Variants in TMEM178B observed in about 807,000 individuals in gnomAD.
The protein encoded by TMEM178B is transmembrane protein 178B.
In TMEM178B, 5 loss-of-function variants were observed where a neutral mutation model predicts 31.0. That is an observed-to-expected ratio of 0.16 (90% CI 0.08 to 0.34). The LOEUF is 0.34. TMEM178B is among the 10% of genes least tolerant of loss of function. The pLI, the probability that TMEM178B is intolerant of heterozygous loss-of-function variation, is 1.00. For missense variants in TMEM178B, 275 were observed against 400.3 expected, an observed-to-expected ratio of 0.69 and a Z score of 2.67; for synonymous variants, 164 against 164.0, an observed-to-expected ratio of 1.00 and a Z score of 0.00.
chr7:141,410,814 G>A (rs1034029156), intron 2 of TMEM178B, among the ~76,000 whole-genome samples: 1 of 152,158 alleles, frequency 6.6e-6, no homozygotes, highest in Non-Finnish European at 1.5e-5. Context: ...TATTAAAAGT[G>A]GACCCCCATG....
At chr7:141,482,705 A>G (rs1802498023), downstream of TMEM178B, among the ~76,000 whole-genome samples, 2 of 152,332 alleles carry the variant, frequency 1.3e-5, no homozygotes, top group Middle Eastern at 3.4e-3. Flanking sequence ...TACACAGGAA[A>G]GATACAGATT....
intron 2 of TMEM178B, among the ~76,000 whole-genome samples, chr7:141,325,310 C>A (rs189304954): frequency 6.6e-6 from 1 of 152,190 alleles, no homozygotes; most frequent in Admixed American, 6.5e-5. Context: ...CTCACGTCAT[C>A]CCCCCAAGCC....
chr7:141,322,859 C>T (rs1037573056), intron 2 of TMEM178B, among the ~76,000 whole-genome samples: 1 of 152,114 alleles, frequency 6.6e-6, no homozygotes, highest in Admixed American at 6.5e-5. Context: ...CTCCCCTAAA[C>T]CCCCCTGCCC....
At chr7:141,407,572 C>T (rs1030181140) in intron 2 of TMEM178B, among the ~76,000 whole-genome samples, 6 of 152,250 alleles carry the variant, frequency 3.9e-5, no homozygotes, top group Non-Finnish European at 7.4e-5. Context: ...TGAACGCTCC[C>T]GATCTCGTCT....
At chr7:141,186,466 A>G (rs1358596776) in intron 1 of TMEM178B, among the ~76,000 whole-genome samples, 5 of 152,082 alleles carry the variant, frequency 3.3e-5, no homozygotes, top group Admixed American at 1.3e-4. Flanking sequence ...CGCTGTCTCT[A>G]CTTAGCTTCT....
chr7:141,333,531 G>A (rs1418653247), intron 2 of TMEM178B, among the ~76,000 whole-genome samples: 1 of 152,182 alleles, frequency 6.6e-6, no homozygotes, highest in Non-Finnish European at 1.5e-5. Flanking sequence ...AGATGCCAGA[G>A]GAAGTTAATT....
At chr7:141,443,922 C>G (rs1441825231) in intron 3 of TMEM178B, among the ~76,000 whole-genome samples, 1 of 152,174 alleles carries the variant, frequency 6.6e-6, no homozygotes, top group Non-Finnish European at 1.5e-5. Context: ...TTTTGTTGCT[C>G]TCATTGGTAC....
At chr7:141,332,807 T>C (rs1799319629) in intron 2 of TMEM178B, among the ~76,000 whole-genome samples, 1 of 152,244 alleles carries the variant, frequency 6.6e-6, no homozygotes, top group Non-Finnish European at 1.5e-5. Flanking sequence ...TTCCCCACCT[T>C]GTAGTGAGTG....
At chr7:141,421,367 C>T (rs1801206434) in intron 2 of TMEM178B, among the ~76,000 whole-genome samples, 1 of 152,206 alleles carries the variant, frequency 6.6e-6, no homozygotes. Flanking sequence ...CAGTCATACT[C>T]ACTGAGCCTT....
chr7:141,346,298 A>G (rs1054334030), intron 2 of TMEM178B, among the ~76,000 whole-genome samples: 2 of 152,214 alleles, frequency 1.3e-5, no homozygotes, highest in Non-Finnish European at 2.9e-5. Flanking sequence ...AAAACAGTAA[A>G]TCATGCTATA....
intron 3 of TMEM178B, among the ~76,000 whole-genome samples, chr7:141,457,087 G>A (rs974312660): frequency 1.3e-5 from 2 of 152,062 alleles, no homozygotes; most frequent in African/African-American, 4.8e-5. Context: ...CATTTCACGG[G>A]GAGCATGAAA....
At chr7:141,481,284 ATCT>A (rs1426409633), downstream of TMEM178B, among the ~76,000 whole-genome samples, 1 of 152,192 alleles carries the variant, frequency 6.6e-6, no homozygotes, top group Non-Finnish European at 1.5e-5. Context: ...GGGTCTTTTA[ATCT>A]TCTCTCTTGA....
At chr7:141,178,510 C>T (rs1302529081) in intron 1 of TMEM178B, among the ~76,000 whole-genome samples, 1 of 152,208 alleles carries the variant, frequency 6.6e-6, no homozygotes, top group Non-Finnish European at 1.5e-5. Context: ...TGGCAACCTA[C>T]ACAAAGCTTA....
intron 2 of TMEM178B, among the ~76,000 whole-genome samples, chr7:141,354,979 AT>A (rs1336634128): frequency 6.6e-6 from 1 of 152,044 alleles, no homozygotes; most frequent in Non-Finnish European, 1.5e-5. Context: ...TTGAGTTTTT[AT>A]TTTTATTTTT....
At chr7:141,139,190 T>G (rs1019230959) in intron 1 of TMEM178B, among the ~76,000 whole-genome samples, 1 of 152,218 alleles carries the variant, frequency 6.6e-6, no homozygotes, top group Non-Finnish European at 1.5e-5. Context: ...GTTCTTTTCT[T>G]TCGCCATTAA....
chr7:141,399,944 T>G (rs1800730768), intron 2 of TMEM178B, among the ~76,000 whole-genome samples: 1 of 152,160 alleles, frequency 6.6e-6, no homozygotes, highest in South Asian at 2.1e-4. Context: ...AAAAAGAAAA[T>G]GTAGTGGCCA....
At chr7:141,430,341 A>G (rs1801401841) in intron 2 of TMEM178B, 1 of 152,156 alleles carries the variant, frequency 6.6e-6, no homozygotes, top group South Asian at 2.1e-4. Context: ...AAAAAATGAG[A>G]ATTGCTTTAA....
chr7:141,465,430 C>G (rs1296481093), intron 3 of TMEM178B, among the ~76,000 whole-genome samples: 1 of 152,076 alleles, frequency 6.6e-6, no homozygotes, highest in Non-Finnish European at 1.5e-5. Context: ...CCCCAGTTTG[C>G]CACCAAACCA....
chr7:141,427,404 G>A (rs1801338680), intron 2 of TMEM178B, among the ~76,000 whole-genome samples: 1 of 152,148 alleles, frequency 6.6e-6, no homozygotes, highest in African/African-American at 2.4e-5. Context: ...AAAGCCACAT[G>A]TTTACAGCCA....
Sources: allele counts gnomAD v4.1 joint callset (sites outside exome capture counted in the v4.1 genomes callset), GRCh38; gene constraint gnomAD v4.1.1; transcripts MANE v1.5; gene names NCBI Gene and HGNC (gene_info 2026-07-23, HGNC 2026-07-21).